Variants in HCRTR2 observed in about 807,000 individuals in gnomAD.
The protein encoded by HCRTR2 is hypocretin receptor 2, also known as orexin receptor type 2.
In HCRTR2, 22 loss-of-function variants were observed where a neutral mutation model predicts 49.0. That is an observed-to-expected ratio of 0.45 (90% CI 0.32 to 0.64). The LOEUF (loss-of-function observed/expected upper bound fraction) is 0.64, where lower values mean the gene tolerates loss of function less well. Ranked by LOEUF, HCRTR2 falls within the 30% of genes least tolerant of loss-of-function variation. HCRTR2 has a pLI of 0.04. For missense variants in HCRTR2, 491 were observed against 559.4 expected (o/e 0.88, Z 1.23); for synonymous variants, 236 against 205.3 (o/e 1.15, Z -1.28).
At chr6:55,260,877 C>T (rs775276361) in intron 3 of HCRTR2, among the ~76,000 whole-genome samples, 2 of 152,162 alleles carry the variant, frequency 1.3e-5, no homozygotes, top group Non-Finnish European at 2.9e-5. Context: ...CTGCTCTTAT[C>T]ACAAATCTGA....
Position 55,240,740 on chromosome 6 carries a change from G to T in HCRTR2, c.224-7899G>T, listed in dbSNP as rs568130417. On this transcript the variant is annotated intron_variant, in intron 1 of 6. Coordinates refer to ENST00000370862, the MANE Select transcript of HCRTR2 (RefSeq NM_001384272.1). ...GATAATACTCCTGGTCAGCTTCCCAGGTTCTTAAGTCTGGATACTGTAATG... is the reference window on the plus strand; with the variant it reads ...GATAATACTCCTGGTCAGCTTCCCATGTTCTTAAGTCTGGATACTGTAATG... The T allele has an allele frequency of 1.1e-3, 417 of 385,318 alleles. 1 individual carries two copies. Among genetic ancestry groups the T allele is most frequent in the Non-Finnish European group, 1.4e-3 (261 of 192,040 alleles). The allele number at this position is 385,318 out of a possible 1,614,324, so 23.9% of individuals were successfully genotyped here.
At chr6:55,266,638 A>T (rs1766865515) in intron 4 of HCRTR2, among the ~76,000 whole-genome samples, 1 of 136,668 alleles carries the variant, frequency 7.3e-6, no homozygotes, top group African/African-American at 2.8e-5. Context: ...AGGTATGCTT[A>T]TAATTTCTTA....
Position 55,280,459 on chromosome 6 carries a change from G to A in HCRTR2, c.1105+15G>A, listed in dbSNP as rs777251944. 4 of 1,611,206 alleles carry A rather than the reference G, an allele frequency of 2.5e-6. No individual in the cohort carries two copies. The highest frequency in any genetic ancestry group is 3.4e-6 in the Non-Finnish European group (4 of 1,178,874). On this transcript the variant is annotated intron_variant, in intron 6 of 6. Transcript: ENST00000370862. The stretch of plus-strand genomic sequence containing the variant: ...TTTTCTCAGTGGTGAGTTTTCAACT[G>A]TTCTTCCATAAGCCACAATTGTAAC...
chr6:55,253,865 T>A (rs1310752219), intron 2 of HCRTR2, among the ~76,000 whole-genome samples: 2 of 152,002 alleles, frequency 1.3e-5, no homozygotes, highest in Non-Finnish European at 2.9e-5. Flanking sequence ...CAACACGCAC[T>A]GGGGCCTTTC....
At chr6:55,158,396 A>C (rs1764759475) in intron 1 of HCRTR2, among the ~76,000 whole-genome samples, 3 of 152,104 alleles carry the variant, frequency 2.0e-5, no homozygotes, top group Non-Finnish European at 4.4e-5. Flanking sequence ...GCAGGCACCG[A>C]GCTAGCTGCA....
chr6:55,214,907 AAAG>A (rs1461742664), intron 1 of HCRTR2, among the ~76,000 whole-genome samples: 1 of 152,072 alleles, frequency 6.6e-6, no homozygotes, highest in Admixed American at 6.6e-5. Context: ...AGAGAAACAA[AAAG>A]AAGACTAAAA....
chr6:55,255,048 G>T (rs532355961), intron 2 of HCRTR2, 88 bp from the exon 3 acceptor site: 2 of 1,457,518 alleles, frequency 1.4e-6, no homozygotes, highest in East Asian at 2.4e-5. Context: ...TATATGTTGT[G>T]ACTACCTTTC....
At chr6:55,181,723 C>T (rs917796093) in intron 1 of HCRTR2, among the ~76,000 whole-genome samples, 2 of 152,106 alleles carry the variant, frequency 1.3e-5, no homozygotes, top group Non-Finnish European at 2.9e-5. Context: ...GGTTGTGTGT[C>T]AGCTTGGGAA....
chr6:55,201,337 T>C (rs1765510019), intron 1 of HCRTR2, among the ~76,000 whole-genome samples: 1 of 152,164 alleles, frequency 6.6e-6, no homozygotes, highest in Admixed American at 6.5e-5. Flanking sequence ...AGACCTTTGC[T>C]GTTCTCTTTT....
chr6:55,185,409 G>A (rs1334080276), intron 1 of HCRTR2, among the ~76,000 whole-genome samples: 5 of 151,994 alleles, frequency 3.3e-5, no homozygotes, highest in Non-Finnish European at 7.4e-5. Context: ...TTTTCCCCCA[G>A]GCATAATGAA....
intron 1 of HCRTR2, among the ~76,000 whole-genome samples, chr6:55,215,763 A>G (rs1765776039): frequency 6.6e-6 from 1 of 152,264 alleles, no homozygotes; most frequent in South Asian, 2.1e-4. Context: ...TTGTTATAAT[A>G]TGTTTGATTT....
intron 1 of HCRTR2, among the ~76,000 whole-genome samples, chr6:55,140,794 T>A (rs1034081410): frequency 6.6e-6 from 1 of 152,116 alleles, no homozygotes; most frequent in Non-Finnish European, 1.5e-5. Flanking sequence ...TTCTACTGAT[T>A]CATAGTTGCT....
intron 1 of HCRTR2, among the ~76,000 whole-genome samples, chr6:55,204,847 G>C (rs138219899): frequency 6.6e-6 from 1 of 150,700 alleles, no homozygotes; most frequent in Non-Finnish European, 1.5e-5. Context: ...GTCTAGTTTC[G>C]CGATCTCGAC....
In HCRTR2 at chr6:55,206,780, TTAACA is replaced by T. The variant is rs1252869175; in HGVS notation, c.223+31972_223+31976del. ...TCATTTAATTAATTTCAGAAACTTC[TTAACA>T]TGACATGATCCTCTTGAAAAGATCA... On this transcript the variant is annotated intron_variant, in intron 1 of 6. Transcript: ENST00000370862. Among the ~76,000 whole-genome samples, 5 of 152,190 alleles carry T rather than the reference TTAACA, an allele frequency of 3.3e-5. No individual in the cohort carries two copies. In the East Asian group the frequency reaches 7.7e-4, roughly 23 times the overall value.
chr6:55,157,045 T>A (rs927823700), intron 1 of HCRTR2, among the ~76,000 whole-genome samples: 16 of 151,992 alleles, frequency 1.1e-4, no homozygotes, highest in Non-Finnish European at 1.8e-4. Context: ...AATTAATCAT[T>A]AAAAAAAGGC....
chr6:55,144,099 CTTTTTTTTTTTTTTTTT>C (rs530138605), intron 1 of HCRTR2, among the ~76,000 whole-genome samples: 12 of 85,350 alleles, frequency 1.4e-4, no homozygotes, highest in East Asian at 2.5e-4. Context: ...CCCGTCCTGC[CTTTTTTTTTTTTTTTTT>C]TTTTTTTTTT....
chr6:55,233,815 A>G (rs934521470), intron 1 of HCRTR2, among the ~76,000 whole-genome samples: 2 of 152,236 alleles, frequency 1.3e-5, no homozygotes, highest in African/African-American at 2.4e-5. Flanking sequence ...AAAAATAGGA[A>G]GTAAAACATG....
At chr6:55,272,279 T>A (rs1369955019) in intron 4 of HCRTR2, among the ~76,000 whole-genome samples, 3 of 152,132 alleles carry the variant, frequency 2.0e-5, no homozygotes, top group African/African-American at 4.8e-5. Context: ...ATTACATAAT[T>A]CTATTTGCAT....
At chr6:55,187,396 A>G (rs1765234939) in intron 1 of HCRTR2, among the ~76,000 whole-genome samples, 1 of 114,288 alleles carries the variant, frequency 8.7e-6, no homozygotes, top group Non-Finnish European at 1.7e-5. Context: ...CTGGTGACAG[A>G]GTGAGACTCC....
Sources: gnomAD v4.1 joint callset for allele counts (sites outside exome capture counted in the v4.1 genomes callset) on GRCh38, gnomAD v4.1.1 for gene constraint, MANE v1.5 for transcripts, NCBI Gene and HGNC (gene_info 2026-07-23, HGNC 2026-07-21) for gene names.